The following TRIM69 variants were observed in gnomAD, a reference collection of about 807,000 sequenced individuals.
TRIM69 encodes E3 ubiquitin-protein ligase TRIM69.
TRIM69 carries 29 observed loss-of-function variants against 37.7 expected under a neutral mutation model. The ratio of observed to expected loss-of-function variants is 0.77; its 90% CI spans 0.57 to 1.05. The LOEUF is 1.05. Ranked by LOEUF, TRIM69 falls within the 50% of genes least tolerant of loss-of-function variation. The pLI, the probability that TRIM69 is intolerant of heterozygous loss-of-function variation, is 0.00. For missense variants in TRIM69, 596 were observed against 579.9 expected (o/e 1.03, Z -0.28); for synonymous variants, 209 against 212.4 (o/e 0.98, Z 0.14).
intron 4 of TRIM69, among the ~76,000 whole-genome samples, chr15:44,759,107 T>C (rs1243699835): frequency 6.6e-6 from 1 of 152,212 alleles, no homozygotes; most frequent in Non-Finnish European, 1.5e-5. Context: ...TATATAGTAA[T>C]GGTTTAATAT....
At position 44,758,809 on chromosome 15, in the gene TRIM69, C is replaced by T; in HGVS notation, c.768C>T (p.Ser256=). ...TCTTAGCCAAGGATATGTTGGTGAG[C>T]ATTCAGGCAAAGACGGAACAACAGA... The part of the protein sequence containing the change: ...QCLLAKDMLV[S]IQAKTEQQNS... The change falls in exon 4 of 7, where the codon AGC becomes AGT. Residue 256 remains serine (S), a synonymous_variant. Coordinates refer to ENST00000329464, the MANE Select transcript of TRIM69 (RefSeq NM_182985.5). 6.2e-7 allele frequency: 1 copy of T among 1,614,016 alleles called. No homozygotes were observed. Among genetic ancestry groups the T allele is most frequent in the African/African-American group, 1.3e-5 (1 of 75,026 alleles).
chr15:44,762,552 T>G (rs910681369), intron 6 of TRIM69, among the ~76,000 whole-genome samples: 1 of 152,124 alleles, frequency 6.6e-6, no homozygotes, highest in Non-Finnish European at 1.5e-5. Flanking sequence ...TCAGTACTTT[T>G]TTAGCCTTTT....
At chr15:44,757,465 T>TG (rs959218450) in intron 3 of TRIM69, 2 of 151,538 alleles carry the variant, frequency 1.3e-5, no homozygotes, top group African/African-American at 2.4e-5. Flanking sequence ...ACTGGGTGAG[T>TG]GGGGATATGA....
chr15:44,740,933 C>A (rs891278456), intron 1 of TRIM69, among the ~76,000 whole-genome samples: 3 of 152,140 alleles, frequency 2.0e-5, no homozygotes, highest in African/African-American at 7.2e-5. Context: ...CAAGGATACC[C>A]AGGAATTGAA....
In TRIM69 at chr15:44,756,354, T is replaced by C. The variant is rs1337772005; in HGVS notation, c.484-14T>C. The stretch of plus-strand genomic sequence containing the variant: ...CCCGAGTTAGTCTGGGTTAATTCTA[T>C]TTGATATTCCCAGGAGGAGCTTGCC... On this transcript the variant is annotated splice_polypyrimidine_tract_variant and intron_variant, in intron 2 of 6. Transcript: ENST00000329464. The C allele has an allele frequency of 1.3e-6, 2 of 1,534,418 alleles. No homozygotes were observed. Among genetic ancestry groups the C allele is most frequent in the Non-Finnish European group, 1.8e-6 (2 of 1,132,258 alleles).
chr15:44,740,952 T>C (rs540346295), intron 1 of TRIM69, among the ~76,000 whole-genome samples: 34 of 152,244 alleles, frequency 2.2e-4, no homozygotes, highest in East Asian at 7.7e-4. Flanking sequence ...AACTCAGCTC[T>C]GCACCAAGCG....
At position 44,759,698 on chromosome 15, in the gene TRIM69, C is replaced by A; in HGVS notation, c.836+36C>A. 3 of 1,614,046 alleles carry A rather than the reference C, an allele frequency of 1.9e-6. No individual in the cohort carries two copies. The South Asian group carries it at 3.3e-5, about 18-fold the overall frequency. Reference sequence around the variant, plus strand: ...CCCTATGGTACTATTAATATCATTCCTTGAGTCTCTGGAGGATGTCTAAGG... The same window carrying A: ...CCCTATGGTACTATTAATATCATTCATTGAGTCTCTGGAGGATGTCTAAGG... On this transcript the variant is annotated intron_variant, in intron 5 of 6. Coordinates refer to ENST00000329464, the MANE Select transcript of TRIM69 (RefSeq NM_182985.5).
At chr15:44,766,874 T>C (rs893498796) in intron 6 of TRIM69, among the ~76,000 whole-genome samples, 1 of 151,394 alleles carries the variant, frequency 6.6e-6, no homozygotes, top group East Asian at 1.9e-4. Context: ...CTGGCCAACA[T>C]GGCGAAACCC....
chr15:44,751,419 TA>T (rs1406553658), intron 1 of TRIM69, among the ~76,000 whole-genome samples: 18 of 152,034 alleles, frequency 1.2e-4, no homozygotes, highest in African/African-American at 4.1e-4. Flanking sequence ...CCTGGCCTTT[TA>T]AAAAAATTAT....
At chr15:44,749,366 C>T (rs550597133) in intron 1 of TRIM69, among the ~76,000 whole-genome samples, 1 of 152,314 alleles carries the variant, frequency 6.6e-6, no homozygotes, top group South Asian at 2.1e-4. Context: ...CCAGTCACTT[C>T]CAGTGATATG....
chr15:44,749,100 C>A (rs924324774), intron 1 of TRIM69, among the ~76,000 whole-genome samples: 1 of 152,016 alleles, frequency 6.6e-6, no homozygotes, highest in Non-Finnish European at 1.5e-5. Context: ...ATGTTGCTCA[C>A]GCTGGTCTCA....
chr15:44,742,879 G>T (rs2087322296), intron 1 of TRIM69, among the ~76,000 whole-genome samples: 1 of 151,176 alleles, frequency 6.6e-6, no homozygotes. Context: ...CGTGAAAATG[G>T]CCATACTGCC....
At chr15:44,760,011 G>T (rs1396411778) in intron 6 of TRIM69, 139 bp downstream of exon 6, 4 of 887,706 alleles carry the variant, frequency 4.5e-6, no homozygotes, top group Non-Finnish European at 5.2e-6. Flanking sequence ...AGGCTAGTTG[G>T]TATGACTGAA....
intron 1 of TRIM69, among the ~76,000 whole-genome samples, chr15:44,748,676 A>T (rs2087457891): frequency 6.6e-6 from 1 of 151,370 alleles, no homozygotes; most frequent in Admixed American, 6.6e-5. Flanking sequence ...AATACAAAAA[A>T]TTAGCCAGGC....
chr15:44,757,963 A>T (rs1397395119), intron 3 of TRIM69: 1 of 152,726 alleles, frequency 6.5e-6, no homozygotes, highest in Non-Finnish European at 1.5e-5. Flanking sequence ...TTTCAATGAG[A>T]TCCAATAATT....
intron 1 of TRIM69, among the ~76,000 whole-genome samples, chr15:44,737,117 C>A (rs1012107261): frequency 2.6e-5 from 4 of 152,020 alleles, no homozygotes; most frequent in Non-Finnish European, 5.9e-5. Flanking sequence ...TGAATTCTTC[C>A]TTTAAGACCT....
chr15:44,756,773 A>G (rs1397633737), intron 3 of TRIM69: 3 of 207,468 alleles, frequency 1.4e-5, no homozygotes, highest in South Asian at 1.9e-4. Context: ...AAAAAAAAAA[A>G]AGGAACTTAT....
chr15:44,758,553 G>A, intron 3 of TRIM69, 68 bp from the exon 4 acceptor site: 1 of 1,586,670 alleles, frequency 6.3e-7, no homozygotes, highest in Admixed American at 1.7e-5. Context: ...GAGTGTTGGT[G>A]GTGTGGGCCC....
At chr15:44,756,274 C>A in intron 2 of TRIM69, 94 bp from the exon 3 acceptor site, 1 of 814,282 alleles carries the variant, frequency 1.2e-6, no homozygotes, top group Non-Finnish European at 2.0e-6. Flanking sequence ...CAAGAGCTTG[C>A]TTTTTTCTTG....
Sources: gnomAD v4.1 joint callset for allele counts (sites outside exome capture counted in the v4.1 genomes callset) on GRCh38, gnomAD v4.1.1 for gene constraint, MANE v1.5 for transcripts, NCBI Gene and HGNC (gene_info 2026-07-23, HGNC 2026-07-21) for gene names.